The following AUTS2 variants were observed in gnomAD, a reference collection of about 807,000 sequenced individuals.
AUTS2 encodes autism susceptibility gene 2 protein.
Under a neutral mutation model 112.4 loss-of-function variants are expected in AUTS2, and 17 were observed. The ratio of observed to expected loss-of-function variants is 0.15; its 90% CI spans 0.10 to 0.23. The LOEUF is 0.23. Ranked by LOEUF, AUTS2 falls within the 10% of genes least tolerant of loss-of-function variation. The pLI is 1.00. For missense variants in AUTS2, 1,510 were observed against 1,701.6 expected, an observed-to-expected ratio of 0.89 and a Z score of 1.98; for synonymous variants, 751 against 702.7, an observed-to-expected ratio of 1.07 and a Z score of -1.09.
intron 2 of AUTS2, among the ~76,000 whole-genome samples, chr7:70,086,930 CTT>C (rs34468600): frequency 6.4e-5 from 9 of 139,806 alleles, no homozygotes; most frequent in Admixed American, 1.4e-4. Flanking sequence ...TATAATTTTC[CTT>C]TTTTTTTTTT....
rs532052387 is a variant in AUTS2, at chr7:69,649,589, A to G, written c.309+49627A>G. ...TCCGTGGCCAACTCAAAGACTTACA[A>G]CCTTTCTCCCTCATTCCTATGTATC... On this transcript the variant is annotated intron_variant, in intron 1 of 18. Coordinates refer to ENST00000342771, the MANE Select transcript of AUTS2 (RefSeq NM_015570.4). Among the ~76,000 whole-genome samples the G allele has an allele frequency of 3.9e-5, 6 of 151,958 alleles. No individual in the cohort carries two copies. In the South Asian group the frequency reaches 1.2e-3, roughly 32 times the overall value.
intron 4 of AUTS2, among the ~76,000 whole-genome samples, chr7:70,398,198 G>A (rs1189556840): frequency 6.6e-6 from 1 of 152,162 alleles, no homozygotes; most frequent in Non-Finnish European, 1.5e-5. Flanking sequence ...GGTTACTACA[G>A]CTTTATGATA....
chr7:70,434,100 A>G (rs1232930239), intron 4 of AUTS2, among the ~76,000 whole-genome samples: 2 of 152,074 alleles, frequency 1.3e-5, no homozygotes, highest in Admixed American at 6.6e-5. Context: ...GTTCTTATAC[A>G]CTCATGTTCA....
intron 2 of AUTS2, among the ~76,000 whole-genome samples, chr7:70,088,404 G>A (rs1463524901): frequency 1.3e-5 from 2 of 152,102 alleles, no homozygotes; most frequent in Admixed American, 6.5e-5. Context: ...TGGGATTACA[G>A]GCATGAGCCA....
In AUTS2 at chr7:70,518,347, TG is replaced by T. The variant is rs530637170; in HGVS notation, c.690+82567del. ...TGATTTTCATGATCCTGCTAAATCA[TG>T]TGGTCACAGTGGGATGAATGAAGAA... is the stretch of plus-strand genomic sequence containing the variant. On this transcript the variant is annotated intron_variant, in intron 5 of 18. Coordinates refer to ENST00000342771, the MANE Select transcript of AUTS2 (RefSeq NM_015570.4). 1.1e-4 allele frequency among the ~76,000 whole-genome samples: 17 copies of T among 152,272 alleles called. No individual in the cohort carries two copies. In the South Asian group the frequency reaches 3.5e-3, roughly 32 times the overall value.
chr7:70,581,643 C>T (rs771632928), intron 5 of AUTS2, among the ~76,000 whole-genome samples: 4 of 151,698 alleles, frequency 2.6e-5, no homozygotes, highest in African/African-American at 7.3e-5. Context: ...CACCACAGTA[C>T]TCTCACCCAC....
intron 4 of AUTS2, among the ~76,000 whole-genome samples, chr7:70,348,144 A>G (rs763614144): frequency 3.9e-5 from 6 of 152,184 alleles, no homozygotes; most frequent in Non-Finnish European, 7.3e-5. Flanking sequence ...GTCAGAGTAA[A>G]GAAACTTCTG....
chr7:69,683,225 G>T (rs117797601), intron 1 of AUTS2, among the ~76,000 whole-genome samples: 1 of 152,084 alleles, frequency 6.6e-6, no homozygotes, highest in Non-Finnish European at 1.5e-5. Flanking sequence ...ATATGCAAAC[G>T]CAGCTACCTG....
intron 6 of AUTS2, among the ~76,000 whole-genome samples, chr7:70,723,624 C>T (rs905229687): frequency 1.4e-5 from 2 of 145,670 alleles, no homozygotes; most frequent in Non-Finnish European, 1.5e-5. Flanking sequence ...AAGTAAAAGG[C>T]TCTATTTTTT....
chr7:69,653,989 G>C (rs982214851), intron 1 of AUTS2, among the ~76,000 whole-genome samples: 7 of 152,312 alleles, frequency 4.6e-5, no homozygotes, highest in African/African-American at 1.7e-4. Context: ...GGAAAAATTG[G>C]ATCAGTTAGG....
chr7:70,305,606 T>G (rs543190359), intron 4 of AUTS2, among the ~76,000 whole-genome samples: 10 of 152,156 alleles, frequency 6.6e-5, no homozygotes, highest in Non-Finnish European at 1.5e-4. Flanking sequence ...AATTAGCCAA[T>G]TAATTAAAAT....
intron 5 of AUTS2, among the ~76,000 whole-genome samples, chr7:70,581,850 T>C (rs1370158086): frequency 6.6e-6 from 1 of 152,202 alleles, no homozygotes; most frequent in Non-Finnish European, 1.5e-5. Context: ...CCTTTACATT[T>C]TGTATTGTTC....
At chr7:70,667,186 G>T (rs376104836) in intron 5 of AUTS2, among the ~76,000 whole-genome samples, 1 of 152,000 alleles carries the variant, frequency 6.6e-6, no homozygotes, top group Admixed American at 6.6e-5. Context: ...AGAACACCCC[G>T]CACATTAACT....
Position 70,256,763 on chromosome 7 carries a change from T to C in AUTS2, c.660+122192T>C, listed in dbSNP as rs555252854. Reference sequence around the variant, plus strand: ...GCCAGTTGGGTTCATTTATCTTCTTTCCTGTGTGTTTTGCCATGCTTTTCT... The same window carrying C: ...GCCAGTTGGGTTCATTTATCTTCTTCCCTGTGTGTTTTGCCATGCTTTTCT... On this transcript the variant is annotated intron_variant, in intron 4 of 18. Transcript: ENST00000342771. Among the ~76,000 whole-genome samples, 14 of 152,322 alleles carry C rather than the reference T, an allele frequency of 9.2e-5. No homozygotes were observed. The South Asian group carries it at 2.7e-3, about 29-fold the overall frequency.
intron 4 of AUTS2, among the ~76,000 whole-genome samples, chr7:70,171,913 G>GT (rs1808719014): frequency 1.3e-5 from 2 of 151,182 alleles, no homozygotes; most frequent in South Asian, 4.2e-4. Context: ...TTTGGGGGGG[G>GT]GTAGTTTTTC....
intron 4 of AUTS2, among the ~76,000 whole-genome samples, chr7:70,295,730 T>C (rs1788903313): frequency 6.6e-6 from 1 of 152,198 alleles, no homozygotes; most frequent in Non-Finnish European, 1.5e-5. Context: ...GTTTTCCTTA[T>C]TGTACTTATC....
At chr7:70,187,852 T>C (rs1584854159) in intron 4 of AUTS2, among the ~76,000 whole-genome samples, 1 of 151,008 alleles carries the variant, frequency 6.6e-6, no homozygotes, top group Non-Finnish European at 1.5e-5. Context: ...AAGTTGTTAG[T>C]GCTTATGCCA....
At position 70,766,061 on chromosome 7, in the gene AUTS2, A is replaced by G; in HGVS notation, c.1469-53A>G. On this transcript the variant is annotated intron_variant, in intron 8 of 18. Coordinates refer to ENST00000342771, the MANE Select transcript of AUTS2 (RefSeq NM_015570.4). The surrounding 1 kb of genome is among the most constrained non-coding windows in gnomAD (Gnocchi z 4.8). ...TACCCCTCCACAGGAAGGCAGTCCGATGTCCTTTTCTGAAGGAAAAGGCGT... is the reference window on the plus strand; with the variant it reads ...TACCCCTCCACAGGAAGGCAGTCCGGTGTCCTTTTCTGAAGGAAAAGGCGT... 1 of 1,584,568 alleles carries G rather than the reference A, an allele frequency of 6.3e-7. No homozygotes were observed. Among genetic ancestry groups the G allele is most frequent in the South Asian group, 1.2e-5 (1 of 85,970 alleles).
intron 5 of AUTS2, among the ~76,000 whole-genome samples, chr7:70,620,579 C>G (rs779057985): frequency 2.0e-4 from 30 of 152,144 alleles, no homozygotes; most frequent in Non-Finnish European, 2.2e-4. Flanking sequence ...ACTGCTTCTC[C>G]TTGAATTGTC....
Sources: gnomAD v4.1 joint callset for allele counts (sites outside exome capture counted in the v4.1 genomes callset) on GRCh38, gnomAD v4.1.1 for gene constraint, Gnocchi (gnomAD v3.1) non-coding constraint, MANE v1.5 for transcripts, NCBI Gene and HGNC (gene_info 2026-07-23, HGNC 2026-07-21) for gene names.